CMTM8: variants seen among roughly 807,000 people sequenced by gnomAD.
CMTM8 encodes the protein CKLF-like MARVEL transmembrane domain-containing protein 8.
CMTM8 carries 12 observed loss-of-function variants against 18.6 expected under a neutral mutation model. The ratio of observed to expected loss-of-function variants is 0.65; its 90% CI spans 0.41 to 1.05. CMTM8 has a LOEUF of 1.05. Among genes scored for constraint, CMTM8 ranks in the 50% least tolerant of loss-of-function variants. The pLI, the probability that CMTM8 is intolerant of heterozygous loss-of-function variation, is 0.00. For missense variants in CMTM8, 217 were observed against 227.2 expected, an observed-to-expected ratio of 0.95 and a Z score of 0.29; for synonymous variants, 87 against 90.6, an observed-to-expected ratio of 0.96 and a Z score of 0.23.
chr3:32,285,127 G>A (rs1205321400), intron 1 of CMTM8, among the ~76,000 whole-genome samples: 1 of 152,198 alleles, frequency 6.6e-6, no homozygotes, highest in African/African-American at 2.4e-5. Flanking sequence ...TTGGGTACAT[G>A]CTAGAGGTGG....
intron 1 of CMTM8, among the ~76,000 whole-genome samples, chr3:32,256,960 C>T (rs899503450): frequency 1.3e-5 from 2 of 152,042 alleles, no homozygotes; most frequent in African/African-American, 4.8e-5. Context: ...GGTCTTTTTT[C>T]CCTCCCTAGA....
intron 1 of CMTM8, among the ~76,000 whole-genome samples, chr3:32,339,403 A>T (rs976372452): frequency 6.6e-6 from 1 of 152,248 alleles, no homozygotes; most frequent in Non-Finnish European, 1.5e-5. Flanking sequence ...GGACTTCAGA[A>T]AAGGTCAGAG....
chr3:32,252,852 T>A (rs1287394337), intron 1 of CMTM8, among the ~76,000 whole-genome samples: 1 of 152,226 alleles, frequency 6.6e-6, no homozygotes, highest in African/African-American at 2.4e-5. Context: ...GGCTTGCTCA[T>A]AACTTTAATT....
chr3:32,289,893 G>T (rs1308667507), intron 1 of CMTM8, among the ~76,000 whole-genome samples: 1 of 152,216 alleles, frequency 6.6e-6, no homozygotes, highest in Non-Finnish European at 1.5e-5. Context: ...CACTTTAGGA[G>T]GCCGAGGCCG....
chr3:32,318,906 T>G (rs1420237047), intron 1 of CMTM8, among the ~76,000 whole-genome samples: 3 of 151,298 alleles, frequency 2.0e-5, no homozygotes, highest in Non-Finnish European at 4.4e-5. Flanking sequence ...TTCATCTATG[T>G]CCTTACCTAT....
chr3:32,334,157 C>T (rs1294405270), intron 1 of CMTM8, among the ~76,000 whole-genome samples: 1 of 151,418 alleles, frequency 6.6e-6, no homozygotes, highest in African/African-American at 2.4e-5. Context: ...TTTGTATTTT[C>T]AGTAGAGATG....
Position 32,238,708 on chromosome 3 carries a change from C to A in CMTM8, c.-265C>A, listed in dbSNP as rs922026650. ...TCCACCGCCTTCCCCGGCTGCCCGG[C>A]AGCCTCCCCTCGCTCGCTCTCCTCT... On this transcript the variant is annotated 5_prime_UTR_variant, in exon 1 of 4. Coordinates refer to ENST00000307526, the MANE Select transcript of CMTM8 (RefSeq NM_178868.5). 2 of 199,286 alleles carry A rather than the reference C, an allele frequency of 1.0e-5. No homozygotes were observed. Among genetic ancestry groups the A allele is most frequent in the Admixed American group, 6.1e-5 (1 of 16,504 alleles). The allele number at this position is 199,286 out of a possible 1,614,324, so 12.3% of individuals were successfully genotyped here.
Position 32,330,197 on chromosome 3 carries a change from ATTTT to A in CMTM8, c.148-27159_148-27156del, listed in dbSNP as rs57467295. 2.7e-3 allele frequency among the ~76,000 whole-genome samples: 340 copies of A among 125,138 alleles called. 1 individual carries two copies. Among genetic ancestry groups the A allele is most frequent in the African/African-American group, 7.5e-3 (246 of 32,990 alleles). 82.1% of individuals were successfully genotyped at this position (125,138 alleles called of 152,430 possible). A position where few individuals can be genotyped will look rare whatever the true frequency, so the allele number is the denominator to read the frequency against. On this transcript the variant is annotated intron_variant, in intron 1 of 3. Transcript: ENST00000307526. The stretch of plus-strand genomic sequence containing the variant: ...CAATCCCAGTCAAAATCCCAGTGGC[ATTTT>A]TTTTTTTTTTTTTTTTGCAGAAATA...
Position 32,357,680 on chromosome 3 carries a change from A to G in CMTM8, c.321+134A>G, listed in dbSNP as rs950686914. 1.1e-5 allele frequency: 9 copies of G among 803,738 alleles called. No individual in the cohort carries two copies. In the African/African-American group the frequency reaches 1.4e-4, roughly 12 times the overall value. 49.8% of individuals were successfully genotyped at this position (803,738 alleles called of 1,614,324 possible). On this transcript the variant is annotated intron_variant, in intron 2 of 3. Transcript: ENST00000307526. ...TACCATGGAGAACTCAACACAGCAG[A>G]TAATCTCAGCATCATCTAATTGCCT...
intron 1 of CMTM8, among the ~76,000 whole-genome samples, chr3:32,253,649 G>A (rs931565973): frequency 2.2e-4 from 33 of 151,670 alleles, no homozygotes; most frequent in African/African-American, 8.0e-4. Context: ...CACCATGCCT[G>A]GCTTCTTCAT....
At chr3:32,300,687 G>A (rs1045785827) in intron 1 of CMTM8, among the ~76,000 whole-genome samples, 13 of 152,192 alleles carry the variant, frequency 8.5e-5, no homozygotes, top group East Asian at 7.7e-4. Context: ...GGCTGGGCAC[G>A]GTGGTTCACG....
intron 1 of CMTM8, among the ~76,000 whole-genome samples, chr3:32,281,566 T>G (rs1373368033): frequency 1.3e-5 from 2 of 152,178 alleles, no homozygotes; most frequent in Non-Finnish European, 2.9e-5. Flanking sequence ...AGAAGATATG[T>G]CCCTCATTCT....
At chr3:32,249,242 A>G (rs1324848607) in intron 1 of CMTM8, among the ~76,000 whole-genome samples, 1 of 151,672 alleles carries the variant, frequency 6.6e-6, no homozygotes, top group Admixed American at 6.6e-5. Flanking sequence ...TAGCCTAGGC[A>G]ACATGGTGGA....
chr3:32,252,718 C>T (rs571327392), intron 1 of CMTM8, among the ~76,000 whole-genome samples: 3 of 152,252 alleles, frequency 2.0e-5, no homozygotes, highest in South Asian at 2.1e-4. Context: ...GTAGCTATCT[C>T]GAGTTATTCT....
chr3:32,246,087 A>G lies in CMTM8; in HGVS notation c.147+6968A>G, dbSNP rs148692536. Among the ~76,000 whole-genome samples, 718 of 152,320 alleles carry G rather than the reference A, an allele frequency of 4.7e-3. 13 individuals carry two copies. Among genetic ancestry groups the G allele is most frequent in the Admixed American group, 0.029 (441 of 15,302 alleles). ...CCCACCTTGGCCTCACAGTTGTTCC[A>G]GAATTTAAGTTATATATTATCTGTA... is the stretch of plus-strand genomic sequence containing the variant. On this transcript the variant is annotated intron_variant, in intron 1 of 3. Transcript: ENST00000307526.
intron 1 of CMTM8, among the ~76,000 whole-genome samples, chr3:32,343,395 A>G (rs903743861): frequency 2.0e-5 from 3 of 152,126 alleles, no homozygotes; most frequent in East Asian, 1.9e-4. Context: ...TCCACCTGCA[A>G]AGTCTTCATG....
At chr3:32,296,734 G>C (rs1427324454) in intron 1 of CMTM8, among the ~76,000 whole-genome samples, 1 of 152,204 alleles carries the variant, frequency 6.6e-6, no homozygotes, top group Non-Finnish European at 1.5e-5. Flanking sequence ...TGTTGCATTA[G>C]ATGTTCCATC....
chr3:32,309,421 T>C (rs552528981), intron 1 of CMTM8, among the ~76,000 whole-genome samples: 1 of 151,254 alleles, frequency 6.6e-6, no homozygotes, highest in Non-Finnish European at 1.5e-5. Flanking sequence ...GATTCTCATG[T>C]CTCAGCCTCC....
intron 1 of CMTM8, among the ~76,000 whole-genome samples, chr3:32,322,943 T>G (rs1696085605): frequency 6.6e-6 from 1 of 152,144 alleles, no homozygotes; most frequent in Non-Finnish European, 1.5e-5. Flanking sequence ...GTTTTATGGC[T>G]TGGGCGGGGT....
Sources: allele counts gnomAD v4.1 joint callset (sites outside exome capture counted in the v4.1 genomes callset), GRCh38; gene constraint gnomAD v4.1.1; transcripts MANE v1.5; gene names NCBI Gene and HGNC (gene_info 2026-07-23, HGNC 2026-07-21).